The following GRHL2 variants were observed in gnomAD, a reference collection of about 807,000 sequenced individuals.
GRHL2 encodes grainyhead-like protein 2 homolog.
In GRHL2, 21 loss-of-function variants were observed where a neutral mutation model predicts 83.8. The ratio of observed to expected loss-of-function variants is 0.25; its 90% CI spans 0.18 to 0.36. The LOEUF is 0.36. GRHL2 is among the 10% of genes least tolerant of loss of function. The probability of loss-of-function intolerance (pLI) is 1.00; values close to 1 mark genes in which losing one functional copy is unlikely to be tolerated. For synonymous variants in GRHL2, 280 were observed against 278.9 expected, an observed-to-expected ratio of 1.00 and a Z score of -0.04; for missense variants, 623 against 781.8, an observed-to-expected ratio of 0.80 and a Z score of 2.42.
At chr8:101,511,204 C>A (rs1810457265) in intron 1 of GRHL2, among the ~76,000 whole-genome samples, 3 of 152,110 alleles carry the variant, frequency 2.0e-5, no homozygotes, top group Admixed American at 2.0e-4. Context: ...ACAGTCACTT[C>A]ATTTTTTGGG....
chr8:101,518,572 T>C (rs2130035786), intron 1 of GRHL2, among the ~76,000 whole-genome samples: 1 of 152,272 alleles, frequency 6.6e-6, no homozygotes, highest in Middle Eastern at 3.4e-3. Flanking sequence ...CATTCTGCAG[T>C]GCCTGGTCTT....
intron 2 of GRHL2, among the ~76,000 whole-genome samples, chr8:101,545,443 GAAAAAAAAAAA>G (rs34421761): frequency 1.4e-4 from 8 of 58,926 alleles, no homozygotes; most frequent in African/African-American, 4.6e-4. Context: ...GGGAATTCCT[GAAAAAAAAAAA>G]AAAAAAAAAA....
chr8:101,617,489 A>C (rs953630093), intron 8 of GRHL2, among the ~76,000 whole-genome samples: 3 of 152,152 alleles, frequency 2.0e-5, no homozygotes, highest in African/African-American at 7.2e-5. Flanking sequence ...TAAATCAAAA[A>C]TTCAAAAGGC....
At chr8:101,558,299 C>T (rs1028609567) in intron 3 of GRHL2, 120 bp from the exon 4 acceptor site, 1 of 1,201,682 alleles carries the variant, frequency 8.3e-7, no homozygotes, top group South Asian at 1.3e-5. Flanking sequence ...GTTTGCCAGC[C>T]CCCTGTCCCT....
At chr8:101,634,124 A>G (rs2226400) in intron 11 of GRHL2, among the ~76,000 whole-genome samples, 17,605 of 152,112 alleles carry the variant, frequency 0.12, 2,206 homozygotes, top group African/African-American at 0.32. Flanking sequence ...AGGCAGTCCA[A>G]TCAGCACCCC....
chr8:101,586,089 T>G lies in GRHL2; in HGVS notation c.1003+8570T>G, dbSNP rs867646494. 7.2e-4 allele frequency among the ~76,000 whole-genome samples: 98 copies of G among 136,640 alleles called. No homozygotes were observed. The Middle Eastern group carries it at 0.012, about 17-fold the overall frequency. The allele number at this position is 136,640 out of a possible 152,430, so 89.6% of individuals were successfully genotyped here. ...TCTTTTTTTTTTTTTTTTTTTTTTT[T>G]TGAGACGGAGTCTCGCTCTGTCGCC... On this transcript the variant is annotated intron_variant, in intron 7 of 15. Coordinates refer to ENST00000646743, the MANE Select transcript of GRHL2 (RefSeq NM_024915.4).
chr8:101,640,608 C>G (rs1813381657), intron 12 of GRHL2, among the ~76,000 whole-genome samples: 1 of 152,208 alleles, frequency 6.6e-6, no homozygotes, highest in Non-Finnish European at 1.5e-5. Flanking sequence ...TCATCTACAT[C>G]TGACCTCTGG....
At chr8:101,622,343 T>C (rs974807801) in intron 9 of GRHL2, among the ~76,000 whole-genome samples, 3 of 152,072 alleles carry the variant, frequency 2.0e-5, no homozygotes, top group Non-Finnish European at 2.9e-5. Flanking sequence ...CCAGAGAATA[T>C]TTCTTCTCGG....
In GRHL2 at chr8:101,666,581, C is replaced by T; in HGVS notation, c.1764-8C>T. 1 of 1,561,046 alleles carries T rather than the reference C, an allele frequency of 6.4e-7. No homozygotes were observed. The highest frequency in any genetic ancestry group is 8.8e-7 in the Non-Finnish European group (1 of 1,131,676). Reference sequence around the variant, plus strand: ...TTGTTTTTCACACCCCTCCCCCCTCCATGGCAGCATCTTGGTGAACATGGA... The same window carrying T: ...TTGTTTTTCACACCCCTCCCCCCTCTATGGCAGCATCTTGGTGAACATGGA... On this transcript the variant is annotated splice_region_variant and splice_polypyrimidine_tract_variant and intron_variant, in intron 15 of 15. Transcript: ENST00000646743.
At chr8:101,608,764 CA>C (rs1403484624) in intron 8 of GRHL2, among the ~76,000 whole-genome samples, 1 of 142,562 alleles carries the variant, frequency 7.0e-6, no homozygotes, top group Non-Finnish European at 1.5e-5. Context: ...CACACACACA[CA>C]CACACACACA....
intron 8 of GRHL2, among the ~76,000 whole-genome samples, chr8:101,600,293 G>A (rs1399299536): frequency 6.6e-6 from 1 of 152,204 alleles, no homozygotes; most frequent in African/African-American, 2.4e-5. Flanking sequence ...CATGGGGTGT[G>A]AGGTTGGTCC....
the GRHL2 span, among the ~76,000 whole-genome samples, chr8:101,677,804 C>G: frequency 6.6e-6 from 1 of 151,946 alleles, no homozygotes; most frequent in Non-Finnish European, 1.5e-5. Context: ...ATGTTAGCAC[C>G]CAGTACAGCA....
At chr8:101,493,882 C>G (rs1810033704) in intron 1 of GRHL2, among the ~76,000 whole-genome samples, 1 of 151,930 alleles carries the variant, frequency 6.6e-6, no homozygotes, top group Admixed American at 6.5e-5. Context: ...CCTGGCCGGC[C>G]CCCGCCCTCG....
At chr8:101,530,458 T>A (rs1489666601) in intron 1 of GRHL2, among the ~76,000 whole-genome samples, 1 of 152,242 alleles carries the variant, frequency 6.6e-6, no homozygotes, top group Non-Finnish European at 1.5e-5. Flanking sequence ...ACATAATTCT[T>A]TCCTTTAAAA....
At chr8:101,649,590 C>A in intron 14 of GRHL2, 91 bp downstream of exon 14, 1 of 920,852 alleles carries the variant, frequency 1.1e-6, no homozygotes, top group Admixed American at 1.9e-5. Flanking sequence ...ACCGAGATGG[C>A]TTCAGAATGA....
rs549966031 is a variant in GRHL2 at position 101,582,428 on chromosome 8, T to C, written c.1003+4909T>C. ...ATGGGGCTGTGGAAAGGCTTGTATT[T>C]TTTAAGGGCATCTTAGAATGGCAGG... On this transcript the variant is annotated intron_variant, in intron 7 of 15. Transcript: ENST00000646743. Among the ~76,000 whole-genome samples, 90 of 152,272 alleles carry C rather than the reference T, an allele frequency of 5.9e-4. 1 individual carries two copies. The highest frequency in any genetic ancestry group is 2.1e-3 in the African/African-American group (88 of 41,560).
intron 9 of GRHL2, among the ~76,000 whole-genome samples, chr8:101,623,038 G>C (rs551598580): frequency 6.6e-6 from 1 of 152,320 alleles, no homozygotes; most frequent in South Asian, 2.1e-4. Context: ...TCTTAAAGGT[G>C]CTGCAGTCAG....
rs777317774 is a variant in GRHL2, at chr8:101,631,714, A to T, written c.1335A>T (p.Gln445His). 1.2e-6 allele frequency: 2 copies of T among 1,612,056 alleles called. No individual in the cohort carries two copies. ...KKGKGQASQT[Q>H]CNSSSDGKLA... ...GGAAAGGCCAGGCCTCCCAAACTCA[A>T]TGCAACAGCTGTGAGTTTCACTGAG... The change falls in exon 10 of 16, where the codon CAA (glutamine) becomes CAT (histidine). Residue 445 changes from glutamine to histidine, a missense_variant. Coordinates refer to ENST00000646743, the MANE Select transcript of GRHL2 (RefSeq NM_024915.4).
intron 1 of GRHL2, among the ~76,000 whole-genome samples, chr8:101,495,033 G>T (rs1014264754): frequency 6.6e-6 from 1 of 152,208 alleles, no homozygotes; most frequent in South Asian, 2.1e-4. Context: ...TCATTTTTGC[G>T]AATTCTAGCC....
Sources: allele counts gnomAD v4.1 joint callset (sites outside exome capture counted in the v4.1 genomes callset), GRCh38; gene constraint gnomAD v4.1.1; transcripts MANE v1.5; gene names NCBI Gene and HGNC (gene_info 2026-07-23, HGNC 2026-07-21).